The following LRFN1 variants were observed in gnomAD, a reference collection of about 807,000 sequenced individuals.
The protein encoded by LRFN1 is leucine rich repeat and fibronectin type III domain containing 1, also known as leucine-rich repeat and fibronectin type III domain-containing protein 1.
Under a neutral mutation model 31.8 loss-of-function variants are expected in LRFN1, and 20 were observed. That is an observed-to-expected ratio of 0.63 (90% CI 0.44 to 0.91). LRFN1 has a LOEUF of 0.91. Among genes scored for constraint, LRFN1 ranks in the 40% least tolerant of loss-of-function variants. The probability of loss-of-function intolerance (pLI) is 0.00; values close to 1 mark genes in which losing one functional copy is unlikely to be tolerated. For missense variants in LRFN1, 912 were observed against 1,129.8 expected (o/e 0.81, Z 2.76); for synonymous variants, 514 against 541.3 (o/e 0.95, Z 0.70).
Position 39,314,473 on chromosome 19 carries a change from G to A in LRFN1, c.864C>T (p.Ser288=). The change falls in exon 4 of 5, where the codon TCC becomes TCT. Residue 288 remains serine, a synonymous_variant. Transcript: ENST00000248668. ...CACACAGGAACTCCTCCTCGGGGAT[G>A]GACCAGAAGTAGCGGTCGGTGAGGT... is the stretch of plus-strand genomic sequence containing the variant. ...PEHLTDRYFW[S]IPEEEFLCEP... 6.8e-6 allele frequency: 11 copies of A among 1,610,562 alleles called. No individual in the cohort carries two copies. Among genetic ancestry groups the A allele is most frequent in the Non-Finnish European group, 9.3e-6 (11 of 1,179,190 alleles).
chr19:39,308,148 C>T lies in LRFN1; in HGVS notation c.1801G>A (p.Ala601Thr). ...TGAAQAPALPAQDHYEALREV... is the reference protein window; with the variant it reads ...TGAAQAPALPTQDHYEALREV... ...CGCAGCGCCTCGTAGTGGTCCTGGG[C>T]CGGCAGGGCCGGGGCCTGTGCCGCG... The change falls in exon 5 of 5, where the codon GCC (alanine) becomes ACC (threonine). Residue 601 changes from alanine to threonine, a missense_variant. Around this residue, in one of 2 missense-constraint regions of LRFN1, gnomAD observed 511 missense variants for 557.0 expected, o/e 0.92. Transcript: ENST00000248668. The surrounding 1 kb of genome is among the most constrained non-coding windows in gnomAD (Gnocchi z 6.2). 1.3e-6 allele frequency: 2 copies of T among 1,540,676 alleles called. No homozygotes were observed. Among genetic ancestry groups the T allele is most frequent in the Non-Finnish European group, 1.7e-6 (2 of 1,145,736 alleles).
rs1023179810 is a variant in LRFN1, at chr19:39,307,398, C to A, written c.*235G>T. 33 of 419,800 alleles carry A rather than the reference C, an allele frequency of 7.9e-5. No homozygotes were observed. The highest frequency in any genetic ancestry group is 1.3e-4 in the Non-Finnish European group (32 of 241,838). The allele number at this position is 419,800 out of a possible 1,614,324, so 26.0% of individuals were successfully genotyped here. On this transcript the variant is annotated 3_prime_UTR_variant, in exon 5 of 5. Coordinates refer to ENST00000248668, the MANE Select transcript of LRFN1 (RefSeq NM_020862.2). This position sits in a 1 kb window ranked among gnomAD's most constrained non-coding sequence, Gnocchi z 6.7. ...GCGAGGGGAGGGGTAGGAGGGGGGT[C>A]GAGGAGTCCATAGGGGAAGGGAGGC... is the stretch of plus-strand genomic sequence containing the variant.
rs1188421727 is a variant in LRFN1 at position 39,315,711 on chromosome 19, T to C, written c.-37-338A>G. Among the ~76,000 whole-genome samples the C allele has an allele frequency of 6.6e-6, 1 of 152,000 alleles. No individual in the cohort carries two copies. ...GTGGGCGCCTGTAATCCCAGCTACT[T>C]GGGAGGCTGAAGCACGAGAATCGCT... is the stretch of plus-strand genomic sequence containing the variant. On this transcript the variant is annotated intron_variant, in intron 3 of 4. Coordinates refer to ENST00000248668, the MANE Select transcript of LRFN1 (RefSeq NM_020862.2). This position sits in a 1 kb window ranked among gnomAD's most constrained non-coding sequence, Gnocchi z 4.7.
rs1190807778 is a variant in LRFN1, at chr19:39,320,836, C to A, written c.-169G>T. ...GGGCCCGGCCCCGCCGCCGCTGCCT[C>A]GCTCCGCGCCATGGTGGGGGGAGGG... On this transcript the variant is annotated 5_prime_UTR_variant, in exon 1 of 5. The change creates a premature stop within an existing upstream ORF in the 5' untranslated region. Transcript: ENST00000248668. 6.8e-6 allele frequency: 1 copy of A among 146,486 alleles called. No individual in the cohort carries two copies. Among genetic ancestry groups the A allele is most frequent in the Non-Finnish European group, 1.5e-5 (1 of 65,512 alleles). 9.1% of individuals were successfully genotyped at this position (146,486 alleles called of 1,614,324 possible).
At chr19:39,319,152 A>G (rs900790611) in intron 1 of LRFN1, among the ~76,000 whole-genome samples, 10 of 152,236 alleles carry the variant, frequency 6.6e-5, no homozygotes, top group African/African-American at 2.4e-4. Flanking sequence ...GCATGCAACA[A>G]TACATGTACA....
chr19:39,310,735 C>A (rs2075147763), intron 4 of LRFN1, among the ~76,000 whole-genome samples: 1 of 152,188 alleles, frequency 6.6e-6, no homozygotes, highest in Admixed American at 6.5e-5. Context: ...CAGGCCACAT[C>A]CCCACCTCCG....
chr19:39,319,045 A>G (rs774828575), intron 1 of LRFN1, among the ~76,000 whole-genome samples: 1 of 152,218 alleles, frequency 6.6e-6, no homozygotes, highest in Non-Finnish European at 1.5e-5. Flanking sequence ...TGTCTTTCAC[A>G]TACATGTCTG....
In LRFN1 at chr19:39,307,747, G is replaced by C. The variant is rs368093101; in HGVS notation, c.2202C>G (p.His734Gln). Residue 734 changes from histidine to glutamine, a missense_variant, in exon 5 of 5, where the codon CAC (histidine) becomes CAG (glutamine). By Grantham distance (24) the His-to-Gln change is conservative (BLOSUM62 0). Transcript: ENST00000248668. This position sits in a 1 kb window ranked among gnomAD's most constrained non-coding sequence, Gnocchi z 6.7. The part of the protein sequence containing the change: ...RRTKRHRSTP[H>Q]LDGAGGGAAG... ...CCGCGCCCCCTCCAGCCCCGTCCAG[G>C]TGCGGCGTGGACCGGTGGCGCTTTG... is the stretch of plus-strand genomic sequence containing the variant. 2.7e-6 allele frequency: 4 copies of C among 1,491,996 alleles called. No homozygotes were observed. The South Asian group carries it at 5.4e-5, about 20-fold the overall frequency. The allele number at this position is 1,491,996 out of a possible 1,614,324, so 92.4% of individuals were successfully genotyped here. A position where few individuals can be genotyped will look rare whatever the true frequency, so the allele number is the denominator to read the frequency against.
In LRFN1 at chr19:39,314,276, G is replaced by A. The variant is rs1944256115; in HGVS notation, c.1061C>T (p.Thr354Met). The A allele has an allele frequency of 1.2e-6, 2 of 1,612,678 alleles. No homozygotes were observed. Among genetic ancestry groups the A allele is most frequent in the South Asian group, 1.1e-5 (1 of 90,962 alleles). ...CAAGGTGGTGATGGTCACATCCAGC[G>A]TCCCGTCCCCCCGGACCCGGGTCCG... ...SSRTRVRGDG[T>M]LDVTITTLRD... Residue 354 changes from threonine to methionine, a missense_variant, in exon 4 of 5, where the codon ACG becomes ATG. By Grantham distance (81) the Thr-to-Met change is moderately conservative. Coordinates refer to ENST00000248668, the MANE Select transcript of LRFN1 (RefSeq NM_020862.2).
chr19:39,315,455 C>G lies in LRFN1; in HGVS notation c.-37-82G>C. 1 of 907,840 alleles carries G rather than the reference C, an allele frequency of 1.1e-6. No individual in the cohort carries two copies. Among genetic ancestry groups the G allele is most frequent in the Non-Finnish European group, 1.6e-6 (1 of 626,442 alleles). 56.2% of individuals were successfully genotyped at this position (907,840 alleles called of 1,614,324 possible). On this transcript the variant is annotated intron_variant, in intron 3 of 4. Coordinates refer to ENST00000248668, the MANE Select transcript of LRFN1 (RefSeq NM_020862.2). The surrounding 1 kb of genome is among the most constrained non-coding windows in gnomAD (Gnocchi z 4.7). ...TGCTACGAGTCAGGCCTGGATCCCT[C>G]CCCTACCGCCTACAGCTGGGTTCCA...
Position 39,307,344 on chromosome 19 carries a change from G to T in LRFN1, c.*289C>A. 2.5e-6 allele frequency: 1 copy of T among 404,348 alleles called. No homozygotes were observed. 25.0% of individuals were successfully genotyped at this position (404,348 alleles called of 1,614,324 possible). On this transcript the variant is annotated 3_prime_UTR_variant, in exon 5 of 5. Transcript: ENST00000248668. The surrounding 1 kb of genome is among the most constrained non-coding windows in gnomAD (Gnocchi z 6.7). ...CCCTCCCCGCGCTTCGCTGTGTAAGGCACCGGCTCCAGCGAGGTCCGCGAG... is the reference window on the plus strand; with the variant it reads ...CCCTCCCCGCGCTTCGCTGTGTAAGTCACCGGCTCCAGCGAGGTCCGCGAG...
chr19:39,320,233 G>A (rs888959550), intron 1 of LRFN1, among the ~76,000 whole-genome samples: 11 of 151,258 alleles, frequency 7.3e-5, no homozygotes, highest in South Asian at 2.1e-4. Flanking sequence ...CCTGGGCGCC[G>A]AGCCTCAGCC....
At position 39,307,561 on chromosome 19, in the gene LRFN1, G is replaced by T; in HGVS notation, c.*72C>A. The T allele has an allele frequency of 7.5e-7, 1 of 1,334,298 alleles. No individual in the cohort carries two copies. Among genetic ancestry groups the T allele is most frequent in the Non-Finnish European group, 9.6e-7 (1 of 1,043,502 alleles). 82.7% of individuals were successfully genotyped at this position (1,334,298 alleles called of 1,614,324 possible). On this transcript the variant is annotated 3_prime_UTR_variant, in exon 5 of 5. Coordinates refer to ENST00000248668, the MANE Select transcript of LRFN1 (RefSeq NM_020862.2). The surrounding 1 kb of genome is among the most constrained non-coding windows in gnomAD (Gnocchi z 6.7). The stretch of plus-strand genomic sequence containing the variant: ...TGTCTTGGCGCTGCGCTTTCTCCCA[G>T]TCCCGCCCCAGCGTCCGTGCGGCTG...
chr19:39,314,862 C>A lies in LRFN1; in HGVS notation c.475G>T (p.Ala159Ser), dbSNP rs765577442. ...IRRVESAAFD[A>S]FLSTVEDLDL... The stretch of plus-strand genomic sequence containing the variant: ...AGGTCCTCCACGGTGGACAGGAAGG[C>A]GTCAAAGGCCGCCGACTCCACCCGG... The change falls in exon 4 of 5, where the codon GCC (alanine) becomes TCC (serine). Residue 159 changes from alanine to serine, a missense_variant. Coordinates refer to ENST00000248668, the MANE Select transcript of LRFN1 (RefSeq NM_020862.2). 3.7e-5 allele frequency: 59 copies of A among 1,610,198 alleles called. No homozygotes were observed. Among genetic ancestry groups the A allele is most frequent in the Non-Finnish European group, 4.8e-5 (56 of 1,178,362 alleles).
chr19:39,312,354 C>T (rs1198803025), intron 4 of LRFN1, among the ~76,000 whole-genome samples: 1 of 152,026 alleles, frequency 6.6e-6, no homozygotes, highest in East Asian at 1.9e-4. Context: ...CTGGCATCTC[C>T]AGGTGAAGCC....
In LRFN1 at chr19:39,308,277, G is replaced by A. The variant is rs368555768; in HGVS notation, c.1672C>T (p.Arg558Cys). 2 of 1,613,176 alleles carry A rather than the reference G, an allele frequency of 1.2e-6. No homozygotes were observed. Residue 558 changes from arginine to cysteine, a missense_variant, in exon 5 of 5, where the codon CGC becomes TGC. This residue lies in a region of LRFN1 where 511 missense variants were observed against 557.0 expected (regional missense o/e 0.92). Coordinates refer to ENST00000248668, the MANE Select transcript of LRFN1 (RefSeq NM_020862.2). This position sits in a 1 kb window ranked among gnomAD's most constrained non-coding sequence, Gnocchi z 6.2. The part of the protein sequence containing the change: ...VLVFIVLLMI[R>C]YKVYGDGDSR... ...TCCCCGTCGCCATACACCTTATAGC[G>A]GATCATGAGCAGAACGATGAAGACG...
intron 4 of LRFN1, among the ~76,000 whole-genome samples, chr19:39,313,243 G>A (rs1158391625): frequency 5.3e-5 from 8 of 151,998 alleles, no homozygotes; most frequent in East Asian, 1.9e-4. Context: ...TATAAATGTC[G>A]CTGTAGGCTA....
At chr19:39,320,099 A>G (rs1241229306) in intron 1 of LRFN1, among the ~76,000 whole-genome samples, 1 of 82,296 alleles carries the variant, frequency 1.2e-5, no homozygotes, top group Non-Finnish European at 2.3e-5. Flanking sequence ...CTGGCCGCCC[A>G]TCCCCCCCCC....
In LRFN1 at chr19:39,308,946, C is replaced by T. The variant is rs1476396411; in HGVS notation, c.1407-404G>A. ...AAGGTCCTTCATCTAGGCATTTCTA[C>T]CCCAAAACTGGGCCAACGCTACTGG... On this transcript the variant is annotated intron_variant, in intron 4 of 4. Transcript: ENST00000248668. This position sits in a 1 kb window ranked among gnomAD's most constrained non-coding sequence, Gnocchi z 6.2. Among the ~76,000 whole-genome samples the T allele has an allele frequency of 6.6e-6, 1 of 152,214 alleles. No individual in the cohort carries two copies. Among genetic ancestry groups the T allele is most frequent in the Non-Finnish European group, 1.5e-5 (1 of 68,040 alleles).
Sources: gnomAD v4.1 joint callset for allele counts (sites outside exome capture counted in the v4.1 genomes callset) on GRCh38, gnomAD v4.1.1 for gene constraint, gnomAD v4.1.1 regional missense constraint, Gnocchi (gnomAD v3.1) non-coding constraint, MANE v1.5 for transcripts, NCBI Gene and HGNC (gene_info 2026-07-23, HGNC 2026-07-21) for gene names.